The following TBC1D30 variants were observed in gnomAD, a reference collection of about 807,000 sequenced individuals.
TBC1D30 encodes TBC1 domain family, member 30.
A neutral mutation model predicts 63.2 loss-of-function variants in TBC1D30; 31 were observed. That is an observed-to-expected ratio of 0.49 (90% CI 0.37 to 0.66). The LOEUF is 0.66. Ranked by LOEUF, TBC1D30 falls within the 30% of genes least tolerant of loss-of-function variation. The pLI, the probability that TBC1D30 is intolerant of heterozygous loss-of-function variation, is 0.00. For missense variants in TBC1D30, 810 were observed against 953.6 expected, an observed-to-expected ratio of 0.85 and a Z score of 1.98; for synonymous variants, 307 against 361.5, an observed-to-expected ratio of 0.85 and a Z score of 1.71.
chr12:64,816,038 T>G (rs1873511441), intron 2 of TBC1D30, among the ~76,000 whole-genome samples: 1 of 141,388 alleles, frequency 7.1e-6, no homozygotes. Flanking sequence ...CAGAATACTT[T>G]TTTTTTTTTT....
intron 11 of TBC1D30, among the ~76,000 whole-genome samples, chr12:64,873,236 A>G (rs1199511506): frequency 6.6e-6 from 1 of 152,152 alleles, no homozygotes; most frequent in African/African-American, 2.4e-5. Flanking sequence ...TTTTGTTTTC[A>G]TGGAGTAATT....
chr12:64,848,355 G>A lies in TBC1D30; in HGVS notation c.1038+4870G>A, dbSNP rs967471910. 7.3e-5 allele frequency among the ~76,000 whole-genome samples: 11 copies of A among 151,512 alleles called. No individual in the cohort carries two copies. In the South Asian group the frequency reaches 1.3e-3, roughly 17 times the overall value. On this transcript the variant is annotated intron_variant, in intron 8 of 11. Coordinates refer to ENST00000539867, the MANE Select transcript of TBC1D30 (RefSeq NM_015279.2). ...TTTGTTACATAGGTATATATGTGCCGTGGTGGTTTGTGGCCCCCATCAACC... is the reference window on the plus strand; with the variant it reads ...TTTGTTACATAGGTATATATGTGCCATGGTGGTTTGTGGCCCCCATCAACC...
chr12:64,873,352 T>G (rs181773815), intron 11 of TBC1D30, among the ~76,000 whole-genome samples: 137 of 152,200 alleles, frequency 9.0e-4, no homozygotes, highest in Admixed American at 1.6e-3. Flanking sequence ...ATGAAAAGAT[T>G]GTTTGGCATT....
intron 1 of TBC1D30, among the ~76,000 whole-genome samples, chr12:64,760,168 T>C (rs928107859): frequency 2.6e-5 from 4 of 152,208 alleles, no homozygotes; most frequent in African/African-American, 9.6e-5. Context: ...TCTTGAAACG[T>C]GGTCATCCAA....
In TBC1D30 at chr12:64,825,028, A is replaced by G; in HGVS notation, c.149A>G (p.Glu50Gly). ...GCGCCCCGGCTGCTGTGCACCCTGG[A>G]GCCGGGTGAGGACCCCAGGGCTGCA... ...RTAPRLLCTL[E>G]PGVDTKLKFT... The change falls in exon 1 of 12, where the codon GAG becomes GGG. Residue 50 changes from glutamate to glycine, a missense_variant. This residue lies in a region of TBC1D30 where 272 missense variants were observed against 335.9 expected (regional missense o/e 0.81). Coordinates refer to ENST00000539867, the MANE Select transcript of TBC1D30 (RefSeq NM_015279.2). 1.3e-6 allele frequency: 2 copies of G among 1,532,450 alleles called. No individual in the cohort carries two copies. Among genetic ancestry groups the G allele is most frequent in the Non-Finnish European group, 1.7e-6 (2 of 1,145,806 alleles). The allele number at this position is 1,532,450 out of a possible 1,614,324, so 94.9% of individuals were successfully genotyped here. A position where few individuals can be genotyped will look rare whatever the true frequency, so the allele number is the denominator to read the frequency against.
At chr12:64,820,396 G>C (rs1873820195), upstream of TBC1D30, among the ~76,000 whole-genome samples, 1 of 152,160 alleles carries the variant, frequency 6.6e-6, no homozygotes, top group South Asian at 2.1e-4. Context: ...TTCAGCCTGG[G>C]AGCTCACATC....
At chr12:64,844,580 A>G (rs1049385757) in intron 8 of TBC1D30, among the ~76,000 whole-genome samples, 2 of 152,232 alleles carry the variant, frequency 1.3e-5, no homozygotes, top group African/African-American at 4.8e-5. Flanking sequence ...ACTATTGACT[A>G]TAGTCACCCT....
At chr12:64,859,142 G>T (rs911573703) in intron 8 of TBC1D30, among the ~76,000 whole-genome samples, 3 of 151,944 alleles carry the variant, frequency 2.0e-5, no homozygotes, top group African/African-American at 2.4e-5. Context: ...GTGTGCGTTT[G>T]TGTGTTGAAG....
intron 2 of TBC1D30, among the ~76,000 whole-genome samples, chr12:64,801,265 A>C (rs1872570853): frequency 6.6e-6 from 1 of 152,186 alleles, no homozygotes; most frequent in Non-Finnish European, 1.5e-5. Context: ...AATGTGTGTG[A>C]GATGAATGGA....
chr12:64,822,551 A>G (rs564316751), upstream of TBC1D30, among the ~76,000 whole-genome samples: 11 of 152,120 alleles, frequency 7.2e-5, no homozygotes, highest in African/African-American at 2.2e-4. Flanking sequence ...AGGCTGGAGT[A>G]CAGTGGTGCG....
chr12:64,876,548 C>T lies in TBC1D30; in HGVS notation c.*760C>T. The T allele has an allele frequency of 3.2e-6, 1 of 314,644 alleles. No homozygotes were observed. The highest frequency in any genetic ancestry group is 6.3e-6 in the Non-Finnish European group (1 of 158,154). 19.5% of individuals were successfully genotyped at this position (314,644 alleles called of 1,614,324 possible). ...GAGCTTTTCCTGAGGTTTGTGTTCGCCTCTCAAGGAGAGCTTTGATCCTCA... is the reference window on the plus strand; with the variant it reads ...GAGCTTTTCCTGAGGTTTGTGTTCGTCTCTCAAGGAGAGCTTTGATCCTCA... On this transcript the variant is annotated 3_prime_UTR_variant, in exon 12 of 12. Transcript: ENST00000539867.
chr12:64,780,011 A>G (rs1871188120), upstream of TBC1D30, among the ~76,000 whole-genome samples: 1 of 152,238 alleles, frequency 6.6e-6, no homozygotes, highest in African/African-American at 2.4e-5. Context: ...AGTATCTTGT[A>G]AATTTTTGAT....
chr12:64,811,349 A>G (rs987353878), intron 2 of TBC1D30, among the ~76,000 whole-genome samples: 1 of 152,224 alleles, frequency 6.6e-6, no homozygotes, highest in African/African-American at 2.4e-5. Flanking sequence ...AAAATTATTC[A>G]AGGCTGATTA....
rs1261251009 is a variant in TBC1D30, at chr12:64,824,972, G to A, written c.93G>A (p.Val31=). The A allele has an allele frequency of 6.5e-7, 1 of 1,534,756 alleles. No individual in the cohort carries two copies. Among genetic ancestry groups the A allele is most frequent in the East Asian group, 2.4e-5 (1 of 40,884 alleles). ...GGGVGTILSN[V]LKKRSCISRT... is the part of the protein sequence containing the mutation. The stretch of plus-strand genomic sequence containing the variant: ...GCGTGGGCACCATCCTGAGCAATGT[G>A]CTCAAGAAGCGCAGCTGCATTTCCC... The change falls in exon 1 of 12, where the codon GTG becomes GTA. Residue 31 remains valine (V), a synonymous_variant. Transcript: ENST00000539867.
chr12:64,773,570 C>G (rs1870979899), intron 1 of TBC1D30, among the ~76,000 whole-genome samples: 1 of 152,184 alleles, frequency 6.6e-6, no homozygotes, highest in Admixed American at 6.5e-5. Flanking sequence ...CAGCCACCTT[C>G]TACAGGTGTG....
intron 1 of TBC1D30, among the ~76,000 whole-genome samples, chr12:64,771,118 T>C (rs1036790012): frequency 3.9e-5 from 6 of 151,906 alleles, no homozygotes; most frequent in Non-Finnish European, 1.5e-5. Context: ...GTACAACATA[T>C]CCATGAAGCC....
At chr12:64,865,640 G>A (rs1273743750) in intron 9 of TBC1D30, among the ~76,000 whole-genome samples, 1 of 152,116 alleles carries the variant, frequency 6.6e-6, no homozygotes, top group Non-Finnish European at 1.5e-5. Context: ...AGGATCACTT[G>A]AGGCCAGGAA....
At chr12:64,794,382 T>C (rs1446216309) in intron 2 of TBC1D30, among the ~76,000 whole-genome samples, 1 of 152,164 alleles carries the variant, frequency 6.6e-6, no homozygotes, top group Admixed American at 6.5e-5. Flanking sequence ...TTTTTCTTTT[T>C]CCTCTTTCTG....
At chr12:64,763,213 C>T (rs1592518466) in intron 1 of TBC1D30, among the ~76,000 whole-genome samples, 1 of 152,212 alleles carries the variant, frequency 6.6e-6, no homozygotes, top group Non-Finnish European at 1.5e-5. Context: ...GCCTCAGCCT[C>T]CCAAAGTGCT....
Sources: allele counts gnomAD v4.1 joint callset (sites outside exome capture counted in the v4.1 genomes callset), GRCh38; gene constraint gnomAD v4.1.1; regional missense constraint gnomAD v4.1.1; transcripts MANE v1.5; gene names NCBI Gene and HGNC (gene_info 2026-07-23, HGNC 2026-07-21).